The following RB1 variants were observed in gnomAD, a reference collection of about 807,000 sequenced individuals.
RB1 encodes retinoblastoma-associated protein.
RB1 carries 18 observed loss-of-function variants against 135.4 expected under a neutral mutation model. The observed-to-expected ratio is 0.13, with a 90% CI of 0.09 to 0.20. The LOEUF is 0.20. Among genes scored for constraint, RB1 ranks in the 10% least tolerant of loss-of-function variants. RB1 has a pLI of 1.00. For missense variants in RB1, 868 were observed against 1,110.0 expected, an observed-to-expected ratio of 0.78 and a Z score of 3.10; for synonymous variants, 365 against 373.2, an observed-to-expected ratio of 0.98 and a Z score of 0.25.
At chr13:48,476,924 A>T (rs2138360033) in intron 25 of RB1, 81 bp downstream of exon 25, 2 of 1,542,324 alleles carry the variant, frequency 1.3e-6, no homozygotes, top group Non-Finnish European at 1.8e-6. Flanking sequence ...CTCCTGGCTT[A>T]TACCAATTTC....
intron 2 of RB1, among the ~76,000 whole-genome samples, chr13:48,341,614 G>A (rs977687044): frequency 2.6e-5 from 4 of 151,928 alleles, no homozygotes; most frequent in African/African-American, 9.7e-5. Context: ...TCTAGTGGGT[G>A]TATAATTGTA....
At chr13:48,428,957 T>C (rs914920160) in intron 17 of RB1, among the ~76,000 whole-genome samples, 6 of 152,200 alleles carry the variant, frequency 3.9e-5, no homozygotes, top group Non-Finnish European at 8.8e-5. Context: ...TTAAAAAGGA[T>C]TGGTCTCTCA....
At position 48,319,821 on chromosome 13, in the gene RB1, C is replaced by T. The variant is rs1432996692; in HGVS notation, c.264+12415C>T. 1 of 317,472 alleles carries T rather than the reference C, an allele frequency of 3.1e-6. No individual in the cohort carries two copies. Among genetic ancestry groups the T allele is most frequent in the East Asian group, 7.6e-5 (1 of 13,076 alleles). The allele number at this position is 317,472 out of a possible 1,614,324, so 19.7% of individuals were successfully genotyped here. ...GTTCTATTTCCGCCTTAATGCTCTGCTCGAAGGAGTCGTTGCTGCTCGCTC... is the reference window on the plus strand; with the variant it reads ...GTTCTATTTCCGCCTTAATGCTCTGTTCGAAGGAGTCGTTGCTGCTCGCTC... On this transcript the variant is annotated intron_variant, in intron 2 of 26. Transcript: ENST00000267163. The surrounding 1 kb of genome is among the most constrained non-coding windows in gnomAD (Gnocchi z 5.0).
intron 23 of RB1, among the ~76,000 whole-genome samples, chr13:48,472,744 T>A (rs1315295483): frequency 2.0e-5 from 3 of 152,144 alleles, no homozygotes; most frequent in Non-Finnish European, 4.4e-5. Context: ...TGGCCACTTA[T>A]CAAGGAATTG....
At chr13:48,409,288 G>A (rs894297623) in intron 17 of RB1, among the ~76,000 whole-genome samples, 1 of 151,368 alleles carries the variant, frequency 6.6e-6, no homozygotes, top group African/African-American at 2.4e-5. Context: ...TTATCTAAAG[G>A]AAACCATGGA....
At chr13:48,410,345 A>G (rs1434154475) in intron 17 of RB1, among the ~76,000 whole-genome samples, 1 of 152,194 alleles carries the variant, frequency 6.6e-6, no homozygotes, top group Non-Finnish European at 1.5e-5. Context: ...CATGCTGTAT[A>G]GGTTTGTAGC....
At chr13:48,452,179 T>G (rs1949331975) in intron 17 of RB1, among the ~76,000 whole-genome samples, 1 of 151,934 alleles carries the variant, frequency 6.6e-6, no homozygotes, top group South Asian at 2.1e-4. Context: ...TTTGAACTGG[T>G]TTTAGTATCA....
intron 12 of RB1, 58 bp downstream of exon 12, chr13:48,373,550 A>G: frequency 8.6e-7 from 1 of 1,157,082 alleles, no homozygotes; most frequent in Non-Finnish European, 1.3e-6. Flanking sequence ...ACTTGAAATT[A>G]AAAGTTAAAG....
chr13:48,330,311 G>A (rs905257779), intron 2 of RB1, among the ~76,000 whole-genome samples: 58 of 151,320 alleles, frequency 3.8e-4, no homozygotes, highest in African/African-American at 1.3e-3. Flanking sequence ...ATAGAAGGAG[G>A]GGGATAAGAA....
chr13:48,366,661 A>T (rs546776952), intron 9 of RB1, among the ~76,000 whole-genome samples: 1 of 152,208 alleles, frequency 6.6e-6, no homozygotes, highest in South Asian at 2.1e-4. Context: ...TAAATTGTGC[A>T]AGTGTGTTAA....
Position 48,380,220 on chromosome 13 carries a change from G to T in RB1, c.1477G>T (p.Val493Phe). The T allele has an allele frequency of 6.2e-7, 1 of 1,605,734 alleles. No individual in the cohort carries two copies. The highest frequency in any genetic ancestry group is 1.3e-5 in the African/African-American group (1 of 74,570). ...HMSLLACALE[V>F]VMATYSRSTS... is the part of the protein sequence containing the mutation. ...GTCTTTATTGGCGTGCGCTCTTGAG[G>T]TTGTAATGGCCACATATAGCAGTAA... is the stretch of plus-strand genomic sequence containing the variant. Residue 493 changes from valine (V) to phenylalanine (F), a missense_variant, in exon 16 of 27, where the codon GTT becomes TTT. By Grantham distance (50) the Val-to-Phe change is conservative. Around this residue, in one of 3 missense-constraint regions of RB1, gnomAD observed 641 missense variants for 791.3 expected, o/e 0.81. Coordinates refer to ENST00000267163, the MANE Select transcript of RB1 (RefSeq NM_000321.3).
intron 18 of RB1, among the ~76,000 whole-genome samples, chr13:48,453,577 C>T (rs201746755): frequency 3.3e-5 from 5 of 152,180 alleles, no homozygotes; most frequent in East Asian, 3.9e-4. Flanking sequence ...CTGGTGATGA[C>T]GATGGGAAAA....
intron 17 of RB1, among the ~76,000 whole-genome samples, chr13:48,447,420 T>G (rs1483363998): frequency 6.6e-6 from 1 of 152,126 alleles, no homozygotes; most frequent in African/African-American, 2.4e-5. Context: ...CAACATATAC[T>G]GGGTGGATGG....
intron 17 of RB1, among the ~76,000 whole-genome samples, chr13:48,392,764 CTCTT>C (rs1042876270): frequency 6.4e-5 from 6 of 93,258 alleles, no homozygotes; most frequent in East Asian, 3.9e-4. Flanking sequence ...CTCTCTCTCT[CTCTT>C]TTTTTTAAGA....
chr13:48,366,851 G>T (rs1486627405), intron 9 of RB1, among the ~76,000 whole-genome samples: 2 of 152,128 alleles, frequency 1.3e-5, no homozygotes, highest in Non-Finnish European at 2.9e-5. Flanking sequence ...GGGCGCGGTG[G>T]CTCACGCCTG....
intron 3 of RB1, 74 bp from the exon 4 acceptor site, chr13:48,345,006 T>C: frequency 6.7e-7 from 1 of 1,485,818 alleles, no homozygotes; most frequent in South Asian, 1.2e-5. Flanking sequence ...AATTGAAATA[T>C]CTATGATTTG....
intron 17 of RB1, among the ~76,000 whole-genome samples, chr13:48,448,241 A>G (rs1363553581): frequency 6.6e-6 from 1 of 152,170 alleles, no homozygotes. Context: ...GAAAGCCATT[A>G]TTTACACTGC....
At chr13:48,444,389 C>G (rs1251381238) in intron 17 of RB1, among the ~76,000 whole-genome samples, 3 of 152,186 alleles carry the variant, frequency 2.0e-5, no homozygotes, top group African/African-American at 7.2e-5. Flanking sequence ...TGGTGGCATG[C>G]CCCTGTAGTC....
intron 17 of RB1, among the ~76,000 whole-genome samples, chr13:48,433,694 T>TTC (rs1949153889): frequency 6.6e-6 from 1 of 151,776 alleles, no homozygotes; most frequent in South Asian, 2.1e-4. Flanking sequence ...TTTTTTTTTT[T>TTC]TACCTTTAGT....
Sources: gnomAD v4.1 joint callset for allele counts (sites outside exome capture counted in the v4.1 genomes callset) on GRCh38, gnomAD v4.1.1 for gene constraint, gnomAD v4.1.1 regional missense constraint, Gnocchi (gnomAD v3.1) non-coding constraint, MANE v1.5 for transcripts, NCBI Gene and HGNC (gene_info 2026-07-23, HGNC 2026-07-21) for gene names.